Variants in GLRA1 observed in about 807,000 individuals in gnomAD.
The protein encoded by GLRA1 is glycine receptor subunit alpha-1.
A neutral mutation model predicts 48.3 loss-of-function variants in GLRA1; 37 were observed. The observed-to-expected ratio is 0.77, with a 90% confidence interval of 0.59 to 1.01. GLRA1 has a LOEUF of 1.01. GLRA1 is among the 50% of genes least tolerant of loss of function. The pLI, the probability that GLRA1 is intolerant of heterozygous loss-of-function variation, is 0.00. For missense variants in GLRA1, 427 were observed against 571.0 expected, an observed-to-expected ratio of 0.75 and a Z score of 2.57; for synonymous variants, 196 against 210.7, an observed-to-expected ratio of 0.93 and a Z score of 0.60.
intron 1 of GLRA1, among the ~76,000 whole-genome samples, chr5:151,910,759 G>A (rs1754588022): frequency 6.6e-6 from 1 of 152,194 alleles, no homozygotes; most frequent in Admixed American, 6.5e-5. Context: ...TGAAAGTGTA[G>A]GCACCTTGAG....
At chr5:151,879,442 C>T (rs1179636293) in intron 3 of GLRA1, among the ~76,000 whole-genome samples, 1 of 152,212 alleles carries the variant, frequency 6.6e-6, no homozygotes. Flanking sequence ...GCAACTTCCG[C>T]CTCCTGGGTT....
chr5:151,862,516 A>G (rs1013576893), intron 3 of GLRA1, among the ~76,000 whole-genome samples: 2 of 152,238 alleles, frequency 1.3e-5, no homozygotes, highest in South Asian at 2.1e-4. Context: ...AATTTTTGCA[A>G]TCTACTAATC....
intron 3 of GLRA1, among the ~76,000 whole-genome samples, chr5:151,886,354 A>G (rs561036129): frequency 6.6e-6 from 1 of 152,312 alleles, no homozygotes; most frequent in South Asian, 2.1e-4. Flanking sequence ...AACCCAATAT[A>G]CCCATTTCAG....
chr5:151,822,993 TAAAATA>T (rs1052141201), intron 8 of GLRA1, 30 bp from the exon 9 acceptor site: 1 of 1,564,990 alleles, frequency 6.4e-7, no homozygotes, highest in African/African-American at 1.4e-5. Context: ...GGGCTCTACT[TAAAATA>T]AGACAGGGGC....
intron 3 of GLRA1, among the ~76,000 whole-genome samples, chr5:151,874,936 G>A (rs1753586526): frequency 6.6e-6 from 1 of 152,104 alleles, no homozygotes; most frequent in South Asian, 2.1e-4. Context: ...AGCATGAGGA[G>A]GGGAAGGAAG....
intron 7 of GLRA1, among the ~76,000 whole-genome samples, chr5:151,832,255 C>G (rs1763444625): frequency 6.6e-6 from 1 of 152,166 alleles, no homozygotes; most frequent in African/African-American, 2.4e-5. Flanking sequence ...TCCAAAGGAT[C>G]ACAACTCCTT....
chr5:151,896,315 C>A (rs1409296909), intron 1 of GLRA1, among the ~76,000 whole-genome samples: 1 of 152,206 alleles, frequency 6.6e-6, no homozygotes, highest in South Asian at 2.1e-4. Flanking sequence ...AGTCACACAG[C>A]ACTTTAAAGA....
chr5:151,898,293 T>C (rs749021870), intron 1 of GLRA1, among the ~76,000 whole-genome samples: 5 of 152,114 alleles, frequency 3.3e-5, no homozygotes, highest in African/African-American at 7.2e-5. Context: ...GTGTCTTGGT[T>C]CTTCCTCACC....
At position 151,869,583 on chromosome 5, in the gene GLRA1, CAA is replaced by C. The variant is rs1162151758; in HGVS notation, c.253-9577_253-9576del. Among the ~76,000 whole-genome samples, 281 of 141,972 alleles carry C rather than the reference CAA, an allele frequency of 2.0e-3. 2 individuals are homozygous for C. Among genetic ancestry groups the C allele is most frequent in the African/African-American group, 8.3e-3 (265 of 32,006 alleles). 93.1% of individuals were successfully genotyped at this position (141,972 alleles called of 152,430 possible). On this transcript the variant is annotated intron_variant, in intron 3 of 8. Transcript: ENST00000274576. ...ACAAAAATTAGCCTGTACTTGGTGG[CAA>C]GCACTGGTAATCCCAGCTACCTGTG...
At position 151,869,789 on chromosome 5, in the gene GLRA1, A is replaced by G. The variant is rs368495254; in HGVS notation, c.253-9781T>C. On this transcript the variant is annotated intron_variant, in intron 3 of 8. Coordinates refer to ENST00000274576, the MANE Select transcript of GLRA1 (RefSeq NM_000171.4). ...TTTTCATCAACCTAGCATACTGGGC[A>G]TTATTATACTTATTTCACTGGAGAG... Among the ~76,000 whole-genome samples the G allele has an allele frequency of 1.2e-4, 18 of 149,876 alleles. 1 individual carries two copies. Among genetic ancestry groups the G allele is most frequent in the African/African-American group, 4.6e-4 (18 of 39,252 alleles).
intron 7 of GLRA1, among the ~76,000 whole-genome samples, chr5:151,831,165 A>T (rs986262549): frequency 2.0e-5 from 3 of 152,222 alleles, no homozygotes; most frequent in Non-Finnish European, 4.4e-5. Context: ...AGAAAAGGAG[A>T]TTCCCTCGGG....
intron 3 of GLRA1, among the ~76,000 whole-genome samples, chr5:151,865,217 G>A (rs906029002): frequency 2.0e-5 from 3 of 152,174 alleles, no homozygotes; most frequent in African/African-American, 4.8e-5. Context: ...AGCCTCCAGT[G>A]TAATGTTTAC....
rs199505206 is a variant in GLRA1, at chr5:151,827,029, G to GTTTTTT, written c.1059+1886_1059+1891dup. Among the ~76,000 whole-genome samples the GTTTTTT allele has an allele frequency of 7.3e-4, 92 of 126,784 alleles. 1 individual carries two copies. The highest frequency in any genetic ancestry group is 4.2e-3 in the Middle Eastern group (1 of 236). The allele number at this position is 126,784 out of a possible 152,430, so 83.2% of individuals were successfully genotyped here. ...TTGGTCAGTTTCTTTCTTTCTTTCT[G>GTTTTTT]TTTTTTTTTTTTTTTTTGAGACAAA... On this transcript the variant is annotated intron_variant, in intron 8 of 8. Coordinates refer to ENST00000274576, the MANE Select transcript of GLRA1 (RefSeq NM_000171.4).
chr5:151,849,153 T>TTTC (rs375546011), intron 7 of GLRA1: 1,995 of 75,532 alleles, frequency 0.026, 55 homozygotes, highest in African/African-American at 0.08. Flanking sequence ...TCTTTCTTTC[T>TTTC]TTTCTTTTCT....
intron 8 of GLRA1, among the ~76,000 whole-genome samples, chr5:151,823,777 C>T (rs1056916124): frequency 6.6e-6 from 1 of 152,170 alleles, no homozygotes; most frequent in East Asian, 1.9e-4. Flanking sequence ...TGCCTTCTCA[C>T]GTCCCTTCCT....
intron 1 of GLRA1, among the ~76,000 whole-genome samples, chr5:151,895,900 C>G (rs1937672508): frequency 6.6e-6 from 1 of 152,082 alleles, no homozygotes; most frequent in East Asian, 1.9e-4. Flanking sequence ...CTTCTAGAAC[C>G]TCTCTAGGAG....
At chr5:151,825,660 T>G (rs942586051) in intron 8 of GLRA1, among the ~76,000 whole-genome samples, 1 of 152,200 alleles carries the variant, frequency 6.6e-6, no homozygotes, top group Non-Finnish European at 1.5e-5. Flanking sequence ...GTATGCCTGC[T>G]GAGTCTGGTG....
intron 8 of GLRA1, among the ~76,000 whole-genome samples, chr5:151,828,469 T>A (rs1763335556): frequency 2.0e-5 from 3 of 152,176 alleles, no homozygotes; most frequent in Admixed American, 1.3e-4. Flanking sequence ...TTGTTGCCTC[T>A]TTCCTAGAGG....
At chr5:151,915,780 G>C (rs1352046840) in intron 1 of GLRA1, among the ~76,000 whole-genome samples, 1 of 151,594 alleles carries the variant, frequency 6.6e-6, no homozygotes, top group African/African-American at 2.4e-5. Context: ...AAGGGACCTA[G>C]AGGTCATTAT....
Sources: gnomAD v4.1 joint callset for allele counts (sites outside exome capture counted in the v4.1 genomes callset) on GRCh38, gnomAD v4.1.1 for gene constraint, MANE v1.5 for transcripts, NCBI Gene and HGNC (gene_info 2026-07-23, HGNC 2026-07-21) for gene names.